PRMT7: variants seen among roughly 807,000 people sequenced by gnomAD.
PRMT7 encodes protein arginine N-methyltransferase 7.
In PRMT7, 75 loss-of-function variants were observed where a neutral mutation model predicts 85.4. The observed-to-expected ratio is 0.88, with a 90% CI of 0.73 to 1.06. The LOEUF (loss-of-function observed/expected upper bound fraction) is 1.06, where lower values mean the gene tolerates loss of function less well. PRMT7 is among the 50% of genes least tolerant of loss of function. The probability of loss-of-function intolerance (pLI) is 0.00; values close to 1 mark genes in which losing one functional copy is unlikely to be tolerated. For missense variants in PRMT7, 868 were observed against 915.2 expected, an observed-to-expected ratio of 0.95 and a Z score of 0.67; for synonymous variants, 397 against 359.5, an observed-to-expected ratio of 1.10 and a Z score of -1.18.
chr16:68,320,726 T>C (rs540594580), intron 3 of PRMT7, among the ~76,000 whole-genome samples: 2 of 152,228 alleles, frequency 1.3e-5, no homozygotes, highest in Admixed American at 6.5e-5. Flanking sequence ...AGCTAACTAC[T>C]GGAGCATTTT....
intron 6 of PRMT7, among the ~76,000 whole-genome samples, chr16:68,332,981 A>T (rs1174973293): frequency 6.6e-6 from 1 of 152,030 alleles, no homozygotes; most frequent in East Asian, 1.9e-4. Context: ...CTATGGCCAG[A>T]GTGGAGATTG....
At chr16:68,332,683 T>C (rs570312922) in intron 6 of PRMT7, among the ~76,000 whole-genome samples, 1 of 152,276 alleles carries the variant, frequency 6.6e-6, no homozygotes, top group African/African-American at 2.4e-5. Flanking sequence ...CCTCTCTGAT[T>C]CTCTGCCTGG....
intron 6 of PRMT7, among the ~76,000 whole-genome samples, chr16:68,333,215 G>T (rs1247452676): frequency 6.6e-6 from 1 of 152,038 alleles, no homozygotes; most frequent in Non-Finnish European, 1.5e-5. Context: ...TGGGTGCAGT[G>T]GCTTATGCCT....
chr16:68,319,735 T>TGTGTGTGTGTGTGTGTGTGTTC (rs2082278396), intron 3 of PRMT7, among the ~76,000 whole-genome samples: 1 of 151,612 alleles, frequency 6.6e-6, no homozygotes, highest in African/African-American at 2.4e-5. Flanking sequence ...TGTGTGTGTG[T>TGTGTGTGTGTGTGTGTGTGTTC]GTGTGTTCTG....
Position 68,346,293 on chromosome 16 carries a change from C to A in PRMT7, c.1191+13C>A, listed in dbSNP as rs1232489167. The A allele has an allele frequency of 2.5e-5, 40 of 1,613,028 alleles. No individual in the cohort carries two copies. The highest frequency in any genetic ancestry group is 3.2e-5 in the Non-Finnish European group (38 of 1,179,162). On this transcript the variant is annotated intron_variant, in intron 11 of 18. Coordinates refer to ENST00000441236, the MANE Select transcript of PRMT7 (RefSeq NM_019023.5). The stretch of plus-strand genomic sequence containing the variant: ...GGCTCTGAGGACCGTAAGTGTCCAG[C>A]CCCTTGGCTTGTTGTGGGGAAAAGG...
At chr16:68,359,101 G>C (rs924414918), downstream of PRMT7, 1 of 152,590 alleles carries the variant, frequency 6.6e-6, no homozygotes, top group Non-Finnish European at 1.5e-5. Context: ...TGCCCCGGGA[G>C]GGGGTGCCTG....
intron 4 of PRMT7, among the ~76,000 whole-genome samples, chr16:68,322,876 C>CA (rs1281160323): frequency 2.0e-5 from 3 of 151,430 alleles, no homozygotes; most frequent in Non-Finnish European, 2.9e-5. Flanking sequence ...ACTAAAAATA[C>CA]AAAAAAAAGC....
intron 5 of PRMT7, among the ~76,000 whole-genome samples, chr16:68,327,306 G>C (rs2083246883): frequency 6.6e-6 from 1 of 152,182 alleles, no homozygotes; most frequent in African/African-American, 2.4e-5. Flanking sequence ...ACGTGAGTCT[G>C]TTTGTTTTAC....
intron 6 of PRMT7, among the ~76,000 whole-genome samples, chr16:68,336,346 C>T (rs2084688627): frequency 6.6e-6 from 1 of 152,158 alleles, no homozygotes; most frequent in Non-Finnish European, 1.5e-5. Flanking sequence ...TCTCTAAAAT[C>T]CTACTGTCCT....
downstream of PRMT7, chr16:68,360,827 G>A (rs1297872010): frequency 1.4e-5 from 3 of 208,170 alleles, no homozygotes; most frequent in African/African-American, 7.0e-5. Context: ...GCAGGCATGC[G>A]AGACGACATT....
intron 9 of PRMT7, among the ~76,000 whole-genome samples, chr16:68,341,864 G>A (rs925332184): frequency 6.6e-6 from 1 of 152,236 alleles, no homozygotes; most frequent in East Asian, 1.9e-4. Flanking sequence ...AGGGAAGGTT[G>A]CAGATCTTGT....
At chr16:68,347,550 A>G (rs2086604172) in intron 12 of PRMT7, 81 bp from the exon 13 acceptor site, 2 of 1,456,396 alleles carry the variant, frequency 1.4e-6, no homozygotes, top group Admixed American at 1.7e-5. Context: ...CTGTCTTAGG[A>G]TGGTCTTGTC....
chr16:68,339,187 T>C (rs915920075), intron 7 of PRMT7, 135 bp from the exon 8 acceptor site: 1 of 1,142,902 alleles, frequency 8.7e-7, no homozygotes, highest in Non-Finnish European at 1.2e-6. Context: ...AACAGTTCAC[T>C]ATTCTAATAG....
chr16:68,346,121 CTGTT>C lies in PRMT7; in HGVS notation c.1056-19_1056-16del, dbSNP rs1346972761. The C allele has an allele frequency of 4.3e-6, 7 of 1,612,158 alleles. No individual in the cohort carries two copies. The highest frequency in any genetic ancestry group is 1.6e-4 in the Middle Eastern group (1 of 6,062). On this transcript the variant is annotated intron_variant, in intron 10 of 18. Transcript: ENST00000441236. ...CTGTGGAGGCGCTCACAGCCCACGT[CTGTT>C]TGTTCATCTCCTGGCCTAGCCCTGA...
At chr16:68,348,607 C>T (rs573210578) in intron 14 of PRMT7, among the ~76,000 whole-genome samples, 176 bp downstream of exon 14, 8 of 148,520 alleles carry the variant, frequency 5.4e-5, no homozygotes, top group East Asian at 3.9e-4. Flanking sequence ...TGGAGCTGCC[C>T]GGTGAGCAGA....
intron 6 of PRMT7, among the ~76,000 whole-genome samples, chr16:68,332,132 T>C (rs553864386): frequency 1.3e-5 from 2 of 152,356 alleles, no homozygotes; most frequent in South Asian, 4.1e-4. Flanking sequence ...TTGTTTAAGC[T>C]TTCTTTGGAG....
At chr16:68,330,853 C>T (rs55770443) in intron 6 of PRMT7, among the ~76,000 whole-genome samples, 27 of 152,174 alleles carry the variant, frequency 1.8e-4, no homozygotes, top group Non-Finnish European at 1.9e-4. Flanking sequence ...CCTCGGCCTC[C>T]GAAAGTGCTG....
In PRMT7 at chr16:68,356,716, C is replaced by T. The variant is rs779854957; in HGVS notation, c.1827C>T (p.His609=). The T allele has an allele frequency of 1.1e-5, 17 of 1,611,890 alleles. No individual in the cohort carries two copies. The highest frequency in any genetic ancestry group is 1.8e-4 in the Middle Eastern group (1 of 5,452). Residue 609 remains histidine (H), a synonymous_variant, in exon 18 of 19, where the codon CAC becomes CAT. Coordinates refer to ENST00000441236, the MANE Select transcript of PRMT7 (RefSeq NM_019023.5). ...TCCTTGACAGGCCCGGGCAGAGCCA[C>T]GCAGCGGTGCTATGGATGGAGTACC... is the stretch of plus-strand genomic sequence containing the variant. ...TVELRRPGQS[H]AAVLWMEYHL... is the part of the protein sequence containing the mutation.
rs906219762 is a variant in PRMT7, at chr16:68,337,532, G to A, written c.465G>A (p.Ala155=). ...ACACAGAGCTGATCGGGGAGGGGGC[G>A]CTGCCCTCCTATGAGCACGCACACA... The part of the protein sequence containing the change: ...LFDTELIGEG[A]LPSYEHAHRH... Residue 155 remains alanine (A), a synonymous_variant, in exon 7 of 19, where the codon GCG becomes GCA. Coordinates refer to ENST00000441236, the MANE Select transcript of PRMT7 (RefSeq NM_019023.5). 1.2e-5 allele frequency: 19 copies of A among 1,610,698 alleles called. No homozygotes were observed. Among genetic ancestry groups the A allele is most frequent in the East Asian group, 2.2e-5 (1 of 44,762 alleles).
Sources: gnomAD v4.1 joint callset for allele counts (sites outside exome capture counted in the v4.1 genomes callset) on GRCh38, gnomAD v4.1.1 for gene constraint, MANE v1.5 for transcripts, NCBI Gene and HGNC (gene_info 2026-07-23, HGNC 2026-07-21) for gene names.